The following ZC3H12B variants were observed in gnomAD, a reference collection of about 807,000 sequenced individuals.
The protein encoded by ZC3H12B is zinc finger CCCH-type containing 12B.
Under a neutral mutation model 43.9 loss-of-function variants are expected in ZC3H12B, and 7 were observed. The observed-to-expected ratio is 0.16, with a 90% CI of 0.09 to 0.30. ZC3H12B has a LOEUF of 0.30. Ranked by LOEUF, ZC3H12B falls within the 10% of genes least tolerant of loss-of-function variation. The pLI is 1.00. For synonymous variants in ZC3H12B, 222 were observed against 241.7 expected (o/e 0.92, Z 0.76); for missense variants, 475 against 670.2 (o/e 0.71, Z 3.22).
At chrX:65,147,789 A>G in the ZC3H12B span, among the ~76,000 whole-genome samples, 1 of 109,763 alleles carries the variant, frequency 9.1e-6, no homozygotes, top group East Asian at 2.9e-4. Context: ...TGGAGCCTGG[A>G]GCTTGCGTGG....
chrX:65,225,724 G>A, the ZC3H12B span, among the ~76,000 whole-genome samples: 1 of 112,330 alleles, frequency 8.9e-6, no homozygotes, highest in Non-Finnish European at 1.9e-5. Context: ...ACTACATGAA[G>A]AATGCAGAAG....
At chrX:65,374,248 A>G (rs148949856) in intron 2 of ZC3H12B, among the ~76,000 whole-genome samples, 1,740 of 80,621 alleles carry the variant, frequency 0.022, 21 homozygotes, top group Non-Finnish European at 0.028. Context: ...TATATATTAT[A>G]TATATAGTAT....
chrX:65,211,082 A>AAC, the ZC3H12B span, among the ~76,000 whole-genome samples: 1 of 81,838 alleles, frequency 1.2e-5, no homozygotes, highest in Admixed American at 1.1e-4. Flanking sequence ...AAAAAAAAAA[A>AAC]AGAAAGAAAA....
At chrX:65,502,670 C>G in exon 5 of ZC3H12B, 1 of 1,209,890 alleles carries the variant, frequency 8.3e-7, no homozygotes, top group Non-Finnish European at 1.1e-6. Flanking sequence ...GTCAGTCCCC[C>G]ACTTAGCTCT....
chrX:65,222,650 T>TAATAATAAA, the ZC3H12B span, among the ~76,000 whole-genome samples: 6 of 93,932 alleles, frequency 6.4e-5, no homozygotes, highest in East Asian at 6.5e-4. Context: ...ATAATAATAA[T>TAATAATAAA]AAAACACTTA....
At chrX:65,456,714 G>T (rs2067620836) in intron 3 of ZC3H12B, among the ~76,000 whole-genome samples, 4 of 109,241 alleles carry the variant, frequency 3.7e-5, no homozygotes, top group Admixed American at 1.9e-4. Context: ...GAGGCACCGG[G>T]ATTGCAGACA....
intron 3 of ZC3H12B, among the ~76,000 whole-genome samples, chrX:65,482,894 T>C (rs2068080970): frequency 8.9e-6 from 1 of 111,930 alleles, no homozygotes; most frequent in East Asian, 2.8e-4. Flanking sequence ...AAAAAATGAA[T>C]GAGTAATGAA....
chrX:65,483,270 TA>T (rs1284458834), intron 3 of ZC3H12B, among the ~76,000 whole-genome samples: 1 of 111,885 alleles, frequency 8.9e-6, no homozygotes, highest in Non-Finnish European at 1.9e-5. Flanking sequence ...TGTTACTACC[TA>T]TAAACTATTC....
the ZC3H12B span, among the ~76,000 whole-genome samples, chrX:65,346,427 A>G: frequency 8.9e-6 from 1 of 111,835 alleles, no homozygotes; most frequent in Non-Finnish European, 1.9e-5. Flanking sequence ...AGCAATATGC[A>G]GAAGAATGAA....
the ZC3H12B span, among the ~76,000 whole-genome samples, chrX:65,107,384 AAAG>A: frequency 9.0e-6 from 1 of 111,451 alleles, no homozygotes; most frequent in Admixed American, 9.5e-5. Flanking sequence ...GCTACCGAAA[AAAG>A]GGGTGTCTAG....
chrX:65,104,006 T>A, the ZC3H12B span, among the ~76,000 whole-genome samples: 1 of 111,804 alleles, frequency 8.9e-6, no homozygotes, highest in South Asian at 3.7e-4. Flanking sequence ...TCATGCTACC[T>A]GACTTCAAAC....
the ZC3H12B span, among the ~76,000 whole-genome samples, chrX:65,096,455 T>C: frequency 8.9e-6 from 1 of 111,971 alleles, no homozygotes; most frequent in Non-Finnish European, 1.9e-5. Context: ...AGATTAGTAA[T>C]GTAAGCAGAG....
the ZC3H12B span, among the ~76,000 whole-genome samples, chrX:65,268,212 C>T: frequency 8.9e-6 from 1 of 111,909 alleles, no homozygotes; most frequent in African/African-American, 3.2e-5. Flanking sequence ...ATGATTGAAT[C>T]AGGAAGAATT....
the ZC3H12B span, among the ~76,000 whole-genome samples, chrX:65,342,266 G>A: frequency 9.0e-6 from 1 of 111,608 alleles, no homozygotes; most frequent in Non-Finnish European, 1.9e-5. Context: ...GATTTAGAAA[G>A]CATATTCAGG....
At chrX:65,120,412 G>T in the ZC3H12B span, among the ~76,000 whole-genome samples, 1 of 111,399 alleles carries the variant, frequency 9.0e-6, no homozygotes, top group East Asian at 2.8e-4. Flanking sequence ...TGAAGCAATT[G>T]TGAATGGGAG....
intron 2 of ZC3H12B, among the ~76,000 whole-genome samples, chrX:65,381,294 G>T (rs1242911220): frequency 9.0e-6 from 1 of 111,712 alleles, no homozygotes; most frequent in African/African-American, 3.3e-5. Flanking sequence ...TCAGGATTAA[G>T]AAACTCACTC....
the ZC3H12B span, among the ~76,000 whole-genome samples, chrX:65,133,580 T>G: frequency 3.6e-5 from 4 of 111,070 alleles, no homozygotes; most frequent in African/African-American, 1.3e-4. Flanking sequence ...TAAGAAGAAA[T>G]TGTTGGGCAG....
the ZC3H12B span, among the ~76,000 whole-genome samples, chrX:65,209,733 G>A: frequency 9.3e-6 from 1 of 107,579 alleles, no homozygotes; most frequent in Non-Finnish European, 1.9e-5. Context: ...TAGATCAATG[G>A]AACAGAACAG....
the ZC3H12B span, among the ~76,000 whole-genome samples, chrX:65,268,171 C>G: frequency 9.0e-5 from 10 of 111,344 alleles, no homozygotes; most frequent in African/African-American, 3.3e-4. Flanking sequence ...CTAGAGGAAA[C>G]AAATAAATTT....
Sources: allele counts gnomAD v4.1 joint callset (sites outside exome capture counted in the v4.1 genomes callset), GRCh38; gene constraint gnomAD v4.1.1; transcripts MANE v1.5; gene names NCBI Gene and HGNC (gene_info 2026-07-23, HGNC 2026-07-21).